The following ATP5PB variants were observed in gnomAD, a reference collection of about 807,000 sequenced individuals.
The protein encoded by ATP5PB is ATP synthase peripheral stalk subunit b, mitochondrial.
Under a neutral mutation model 34.5 loss-of-function variants are expected in ATP5PB, and 21 were observed. That is an observed-to-expected ratio of 0.61 (90% confidence interval 0.43 to 0.88). The LOEUF (loss-of-function observed/expected upper bound fraction) is 0.88. Among genes scored for constraint, ATP5PB ranks in the 40% least tolerant of loss-of-function variants. ATP5PB has a pLI of 0.00. For missense variants in ATP5PB, 293 were observed against 317.4 expected, an observed-to-expected ratio of 0.92 and a Z score of 0.58; for synonymous variants, 108 against 114.1, an observed-to-expected ratio of 0.95 and a Z score of 0.34.
intron 2 of ATP5PB, among the ~76,000 whole-genome samples, chr1:111,453,923 T>C (rs987405244): frequency 7.9e-5 from 12 of 152,210 alleles, no homozygotes; most frequent in African/African-American, 2.9e-4. Flanking sequence ...TTCTTACATA[T>C]TTCAGTGCTA....
At position 111,461,901 on chromosome 1, in the gene ATP5PB, G is replaced by GAAAAAAAAAAAAAAAAAAAAAAAAA. The variant is rs34311324; in HGVS notation, c.*924_*925insAAAAAAAAAAAAAAAAAAAAAAAAA. Reference sequence around the variant, plus strand: ...GGGCAACAGACCTCGACTCCATCTAGAAAAAAAAAAAAAAAAATCCAGCAG... The same window carrying GAAAAAAAAAAAAAAAAAAAAAAAAA: ...GGGCAACAGACCTCGACTCCATCTAGAAAAAAAAAAAAAAAAAAAAAAAAAAAAAAAAAAAAAAAAAATCCAGCAG... On this transcript the variant is annotated 3_prime_UTR_variant, in exon 7 of 7. Coordinates refer to ENST00000369722, the MANE Select transcript of ATP5PB (RefSeq NM_001688.5). 8.6e-6 allele frequency: 1 copy of GAAAAAAAAAAAAAAAAAAAAAAAAA among 115,950 alleles called. No homozygotes were observed. The highest frequency in any genetic ancestry group is 3.3e-5 in the African/African-American group (1 of 30,338). The allele number at this position is 115,950 out of a possible 1,614,324, so 7.2% of individuals were successfully genotyped here.
chr1:111,457,643 G>A lies in ATP5PB; in HGVS notation c.513+888G>A, dbSNP rs1653513340. On this transcript the variant is annotated intron_variant, in intron 5 of 6. Transcript: ENST00000369722. ...GATACTAAGCATCTGAAATGTTTAG[G>A]ATCTTGGCCAATGTGGTCTTGGTAC... 5.9e-5 allele frequency among the ~76,000 whole-genome samples: 9 copies of A among 152,144 alleles called. No homozygotes were observed. The South Asian group carries it at 1.7e-3, about 28-fold the overall frequency.
intron 4 of ATP5PB, 42 bp from the exon 5 acceptor site, chr1:111,456,588 T>C: frequency 1.3e-6 from 2 of 1,595,906 alleles, no homozygotes; most frequent in Non-Finnish European, 1.7e-6. Context: ...TTTTTACCCT[T>C]TGTGCTTTCA....
At chr1:111,459,385 G>T in intron 5 of ATP5PB, 72 bp from the exon 6 acceptor site, 1 of 1,401,306 alleles carries the variant, frequency 7.1e-7, no homozygotes, top group African/African-American at 1.4e-5. Flanking sequence ...ATTCTCACTG[G>T]CAGAATCTTC....
intron 3 of ATP5PB, 61 bp from the exon 4 acceptor site, chr1:111,456,021 CCTTT>C: frequency 7.6e-7 from 1 of 1,309,604 alleles, no homozygotes; most frequent in African/African-American, 1.5e-5. Flanking sequence ...TATAGAAGTA[CCTTT>C]CTATCTTCCC....
At chr1:111,455,403 A>G (rs1256754425) in intron 3 of ATP5PB, among the ~76,000 whole-genome samples, 1 of 152,186 alleles carries the variant, frequency 6.6e-6, no homozygotes, top group Non-Finnish European at 1.5e-5. Flanking sequence ...CTGCCATCCT[A>G]TGATTCTCAG....
intron 3 of ATP5PB, 37 bp from the exon 4 acceptor site, chr1:111,456,049 G>A (rs776170414): frequency 2.0e-6 from 3 of 1,508,684 alleles, no homozygotes; most frequent in Non-Finnish European, 2.7e-6. Flanking sequence ...TTTAGGCATA[G>A]CATATCCCTT....
In ATP5PB at chr1:111,462,341, T is replaced by TA. The variant is rs200771286; in HGVS notation, c.*1348dup. ...CGTTATGCAGTTTTACAGGATGAGTTATGGAGCTGGATAGTGGTGATGGTG... is the reference window on the plus strand; with the variant it reads ...CGTTATGCAGTTTTACAGGATGAGTTAATGGAGCTGGATAGTGGTGATGGTG... On this transcript the variant is annotated 3_prime_UTR_variant, in exon 7 of 7. Coordinates refer to ENST00000369722, the MANE Select transcript of ATP5PB (RefSeq NM_001688.5). 4 of 152,244 alleles carry TA rather than the reference T, an allele frequency of 2.6e-5. No individual in the cohort carries two copies. Among genetic ancestry groups the TA allele is most frequent in the East Asian group, 1.9e-4 (1 of 5,200 alleles). 9.4% of individuals were successfully genotyped at this position (152,244 alleles called of 1,614,324 possible).
intron 6 of ATP5PB, 98 bp from the exon 7 acceptor site, chr1:111,460,819 G>A: frequency 1.0e-6 from 1 of 961,266 alleles, no homozygotes. Flanking sequence ...TTGAGGTTCT[G>A]GTCTGGTAGG....
intron 5 of ATP5PB, among the ~76,000 whole-genome samples, chr1:111,457,159 C>G (rs111899841): frequency 6.6e-6 from 1 of 152,100 alleles, no homozygotes; most frequent in Non-Finnish European, 1.5e-5. Flanking sequence ...TCTAAATCCA[C>G]AAAGCAGGCA....
At position 111,460,900 on chromosome 1, in the gene ATP5PB, C is replaced by T; in HGVS notation, c.694-17C>T. ...GTTTTGGAAAGGTCTAACCAGATTT[C>T]TCTTTCCTTATCACAGGAAAAGGAG... On this transcript the variant is annotated splice_polypyrimidine_tract_variant and intron_variant, in intron 6 of 6. Coordinates refer to ENST00000369722, the MANE Select transcript of ATP5PB (RefSeq NM_001688.5). 2 of 1,612,662 alleles carry T rather than the reference C, an allele frequency of 1.2e-6. No homozygotes were observed. The highest frequency in any genetic ancestry group is 1.7e-6 in the Non-Finnish European group (2 of 1,178,868).
rs757076011 is a variant in ATP5PB at position 111,449,575 on chromosome 1, AC to A, written c.35del (p.Thr12LysfsTer6). The A allele has an allele frequency of 6.2e-7, 1 of 1,608,848 alleles. No individual in the cohort carries two copies. Among genetic ancestry groups the A allele is most frequent in the Admixed American group, 1.7e-5 (1 of 59,546 alleles). On this transcript the variant is annotated frameshift_variant, in exon 1 of 7. Transcript: ENST00000369722. LOFTEE classifies it high-confidence loss of function. ...LSRVVLSAAA[T>X]AAPSLKNAAF... is the part of the protein sequence containing the mutation. ...CCGGGTGGTACTTTCCGCCGCCGCCACAGCGGGTAAGGGGTATAGACCCTGC... is the reference window on the plus strand; with the variant it reads ...CCGGGTGGTACTTTCCGCCGCCGCCAAGCGGGTAAGGGGTATAGACCCTGC...
chr1:111,453,851 C>CA (rs1434621129), intron 2 of ATP5PB, among the ~76,000 whole-genome samples: 11 of 152,288 alleles, frequency 7.2e-5, no homozygotes, highest in African/African-American at 2.6e-4. Context: ...GTTCTTTACT[C>CA]AAAGTCAAGG....
chr1:111,456,610 T>G lies in ATP5PB; in HGVS notation c.388-20T>G. Reference sequence around the variant, plus strand: ...CCTTTGTGCTTTCACTGATCTTTGTTGTTGCTATCACAATTGTAGCAAAAA... The same window carrying G: ...CCTTTGTGCTTTCACTGATCTTTGTGGTTGCTATCACAATTGTAGCAAAAA... On this transcript the variant is annotated intron_variant, in intron 4 of 6. Coordinates refer to ENST00000369722, the MANE Select transcript of ATP5PB (RefSeq NM_001688.5). 1 of 1,608,338 alleles carries G rather than the reference T, an allele frequency of 6.2e-7. No homozygotes were observed. The highest frequency in any genetic ancestry group is 8.5e-7 in the Non-Finnish European group (1 of 1,178,430).
chr1:111,456,758 A>G lies in ATP5PB; in HGVS notation c.513+3A>G, dbSNP rs74109562. The G allele has an allele frequency of 7.5e-3, 11,915 of 1,590,644 alleles. 591 individuals are homozygous for G. In the African/African-American group the frequency reaches 0.12, roughly 16 times the overall value. ...ATTACCTTTTTGATGTGCAAAGGGT[A>G]GGTTTCAGAAGTTTCTAGGAAGAAT... On this transcript the variant is annotated splice_donor_region_variant and intron_variant, in intron 5 of 6. Coordinates refer to ENST00000369722, the MANE Select transcript of ATP5PB (RefSeq NM_001688.5).
chr1:111,449,591 A>G lies in ATP5PB; in HGVS notation c.40+10A>G, dbSNP rs17027679. ...GCCGCCGCCACAGCGGGTAAGGGGT[A>G]TAGACCCTGCTCTGGACTATCAGAG... On this transcript the variant is annotated intron_variant, in intron 1 of 6. Coordinates refer to ENST00000369722, the MANE Select transcript of ATP5PB (RefSeq NM_001688.5). 188 of 1,600,494 alleles carry G rather than the reference A, an allele frequency of 1.2e-4. No individual in the cohort carries two copies. The East Asian group carries it at 4.1e-3, about 35-fold the overall frequency.
chr1:111,459,120 GGTTT>G (rs1653550928), intron 5 of ATP5PB, among the ~76,000 whole-genome samples: 1 of 152,126 alleles, frequency 6.6e-6, no homozygotes, highest in African/African-American at 2.4e-5. Context: ...AATTGAGGTA[GGTTT>G]GTGTGTCATA....
chr1:111,454,094 A>G (rs763993752), intron 2 of ATP5PB, 117 bp from the exon 3 acceptor site: 4 of 1,118,764 alleles, frequency 3.6e-6, no homozygotes, highest in Non-Finnish European at 4.8e-6. Flanking sequence ...TCTTTCCATT[A>G]TGAGAGTTAG....
chr1:111,456,379 C>T lies in ATP5PB; in HGVS notation c.387+130C>T, dbSNP rs982541698. On this transcript the variant is annotated intron_variant, in intron 4 of 6. Coordinates refer to ENST00000369722, the MANE Select transcript of ATP5PB (RefSeq NM_001688.5). ...ATCTAATGCTTCAAATAAGTGTTAA[C>T]GTTAGTTACTAATTTGAGATAATTT... 4.2e-5 allele frequency: 47 copies of T among 1,128,802 alleles called. No individual in the cohort carries two copies. In the Admixed American group the frequency reaches 9.0e-4, roughly 22 times the overall value. 69.9% of individuals were successfully genotyped at this position (1,128,802 alleles called of 1,614,324 possible). A position where few individuals can be genotyped will look rare whatever the true frequency, so the allele number is the denominator to read the frequency against.
Sources: allele counts gnomAD v4.1 joint callset (sites outside exome capture counted in the v4.1 genomes callset), GRCh38; gene constraint gnomAD v4.1.1; transcripts MANE v1.5; gene names NCBI Gene and HGNC (gene_info 2026-07-23, HGNC 2026-07-21).